Variants in NBPF15 observed in about 807,000 individuals in gnomAD.
The protein encoded by NBPF15 is NBPF family member NBPF15.
NBPF15 carries 74 observed loss-of-function variants against 62.2 expected under a neutral mutation model. The ratio of observed to expected loss-of-function variants is 1.19; its 90% CI spans 0.99 to 1.44. The LOEUF (loss-of-function observed/expected upper bound fraction) is 1.44, where lower values mean the gene tolerates loss of function less well. Ranked by LOEUF, NBPF15 falls within the 40% of genes most tolerant of loss-of-function variation. The probability of loss-of-function intolerance (pLI) is 0.00; values close to 1 mark genes in which losing one functional copy is unlikely to be tolerated. For synonymous variants in NBPF15, 244 were observed against 209.7 expected, an observed-to-expected ratio of 1.16 and a Z score of -1.41; for missense variants, 790 against 550.0, an observed-to-expected ratio of 1.44 and a Z score of -4.36.
At chr1:144,445,827 G>A (rs1571149501) in intron 6 of NBPF15, among the ~76,000 whole-genome samples, 1 of 143,836 alleles carries the variant, frequency 7.0e-6, no homozygotes, top group East Asian at 2.0e-4. Context: ...TGGTGTACTG[G>A]CCTTACATAA....
intron 12 of NBPF15, 49 bp downstream of exon 12, chr1:144,435,062 C>A (rs1414979585): frequency 1.2e-6 from 2 of 1,611,440 alleles, no homozygotes; most frequent in African/African-American, 2.7e-5. Flanking sequence ...CAGAGTTTAT[C>A]TTCCTCAGCC....
chr1:144,429,132 G>T (rs1434012179), intron 14 of NBPF15, among the ~76,000 whole-genome samples: 2 of 151,716 alleles, frequency 1.3e-5, no homozygotes, highest in African/African-American at 2.4e-5. Flanking sequence ...TGGCTTTTGT[G>T]GGTGAAAAGT....
At chr1:144,455,253 T>TGGGAGAGAAGTAGGGAA (rs1163732376) in intron 4 of NBPF15, among the ~76,000 whole-genome samples, 1 of 112,648 alleles carries the variant, frequency 8.9e-6, no homozygotes. Flanking sequence ...AGAAAAAGAG[T>TGGGAGAGAAGTAGGGAA]GGGAGAGAAG....
chr1:144,450,387 C>T (rs1278987954), intron 5 of NBPF15, among the ~76,000 whole-genome samples: 3 of 151,810 alleles, frequency 2.0e-5, no homozygotes, highest in Admixed American at 2.0e-4. Context: ...AGCACGTGGC[C>T]TCTGGAGTCA....
intron 13 of NBPF15, among the ~76,000 whole-genome samples, chr1:144,431,295 A>T (rs1164723971): frequency 4.6e-5 from 7 of 150,730 alleles, no homozygotes; most frequent in African/African-American, 1.2e-4. Flanking sequence ...GGTTGAAATG[A>T]AGGAAAAAAT....
intron 16 of NBPF15, among the ~76,000 whole-genome samples, chr1:144,427,336 C>T (rs1553539464): frequency 1.6e-5 from 2 of 125,514 alleles, no homozygotes; most frequent in Non-Finnish European, 3.3e-5. Context: ...TATCATTTGT[C>T]CCAAGTTTGT....
intron 5 of NBPF15, among the ~76,000 whole-genome samples, chr1:144,449,507 CA>C (rs1689751145): frequency 6.6e-6 from 1 of 151,368 alleles, no homozygotes; most frequent in Non-Finnish European, 1.5e-5. Flanking sequence ...GCTAAAGGAA[CA>C]AACTTTTGAC....
At chr1:144,423,551 T>A (rs1439605219) in intron 21 of NBPF15, among the ~76,000 whole-genome samples, 5 of 151,874 alleles carry the variant, frequency 3.3e-5, no homozygotes, top group Non-Finnish European at 7.4e-5. Context: ...TCTGAGTTAG[T>A]GCCCTCATGA....
intron 17 of NBPF15, 91 bp from the exon 18 acceptor site, chr1:144,426,541 T>C (rs1669783780): frequency 1.3e-6 from 1 of 751,146 alleles, no homozygotes; most frequent in Non-Finnish European, 2.5e-6. Flanking sequence ...TAAGGAACTG[T>C]TTAAAAAGAA....
chr1:144,450,573 C>T (rs1295946506), intron 5 of NBPF15, among the ~76,000 whole-genome samples, 199 bp downstream of exon 5: 60 of 150,452 alleles, frequency 4.0e-4, no homozygotes, highest in African/African-American at 1.3e-3. Flanking sequence ...TCAGAGAACC[C>T]GGCCACTTCA....
rs1395639484 is a variant in NBPF15 at position 144,424,708 on chromosome 1, A to G, written c.1645T>C (p.Phe549Leu). 1.3e-5 allele frequency: 8 copies of G among 622,718 alleles called. No individual in the cohort carries two copies. Among genetic ancestry groups the G allele is most frequent in the Non-Finnish European group, 2.0e-5 (7 of 356,416 alleles). The allele number at this position is 622,718 out of a possible 1,614,324, so 38.6% of individuals were successfully genotyped here. ...TACTCACCTCCCACGTCAAGAGAAA[A>G]GCCAACATGTTTTTCCTCCAATGCA... ...FYALEEKHVG[F>L]SLDVGEIEKK... Residue 549 changes from phenylalanine (F) to leucine (L), a missense_variant, in exon 20 of 22, where the codon TTT becomes CTT. By Grantham distance (22) the Phe-to-Leu change is conservative. Transcript: ENST00000581897.
intron 13 of NBPF15, among the ~76,000 whole-genome samples, chr1:144,432,964 ATCTACAGAAC>A (rs1409318685): frequency 6.6e-6 from 1 of 151,794 alleles, no homozygotes; most frequent in Non-Finnish European, 1.5e-5. Context: ...CCTAAAAGAC[ATCTACAGAAC>A]TCTCCACCCC....
chr1:144,426,155 G>T lies in NBPF15; in HGVS notation c.1438+123C>A, dbSNP rs1259880571. ...TACAGTTTCATTACAACCTTTATGC[G>T]CCCATAGGTCCTGCCTGCGGCAATG... is the stretch of plus-strand genomic sequence containing the variant. On this transcript the variant is annotated intron_variant, in intron 18 of 21. Transcript: ENST00000581897. 2.0e-5 allele frequency: 13 copies of T among 657,452 alleles called. 1 individual carries two copies. The highest frequency in any genetic ancestry group is 3.2e-5 in the Non-Finnish European group (12 of 374,478). The allele number at this position is 657,452 out of a possible 1,614,324, so 40.7% of individuals were successfully genotyped here.
At chr1:144,434,740 G>A (rs1676949033) in intron 12 of NBPF15, among the ~76,000 whole-genome samples, 1 of 151,854 alleles carries the variant, frequency 6.6e-6, no homozygotes, top group African/African-American at 2.4e-5. Flanking sequence ...CAAATACAAA[G>A]GCAAGGCTGC....
intron 6 of NBPF15, among the ~76,000 whole-genome samples, chr1:144,442,115 TA>T (rs1327327456): frequency 1.3e-5 from 1 of 75,366 alleles, no homozygotes; most frequent in Non-Finnish European, 2.4e-5. Flanking sequence ...TATATATATA[TA>T]ATATATATAC....
intron 6 of NBPF15, among the ~76,000 whole-genome samples, chr1:144,445,440 TGTGA>T (rs1412704268): frequency 6.8e-6 from 1 of 147,452 alleles, no homozygotes; most frequent in East Asian, 2.0e-4. Context: ...TAGACATACA[TGTGA>T]GTATCTATTT....
intron 9 of NBPF15, 150 bp from the exon 10 acceptor site, chr1:144,437,259 A>T (rs1425797572): frequency 0.016 from 12,798 of 811,052 alleles, 286 homozygotes; most frequent in South Asian, 0.037. Flanking sequence ...TGGCCAAGAG[A>T]AAGAATAGAA....
intron 4 of NBPF15, among the ~76,000 whole-genome samples, chr1:144,454,082 GTGGAGGAACTT>G (rs1223711065): frequency 1.6e-5 from 2 of 121,968 alleles, no homozygotes; most frequent in East Asian, 4.5e-4. Flanking sequence ...ATGAAAAGAC[GTGGAGGAACTT>G]AAAGTACATA....
At chr1:144,428,098 C>G (rs1301404869) in intron 15 of NBPF15, 108 bp from the exon 16 acceptor site, 3 of 721,792 alleles carry the variant, frequency 4.2e-6, no homozygotes, top group South Asian at 1.5e-5. Flanking sequence ...AGAAAAAGGA[C>G]AGATCCATTA....
Sources: gnomAD v4.1 joint callset for allele counts (sites outside exome capture counted in the v4.1 genomes callset) on GRCh38, gnomAD v4.1.1 for gene constraint, MANE v1.5 for transcripts, NCBI Gene and HGNC (gene_info 2026-07-23, HGNC 2026-07-21) for gene names.